The following TCF20 variants were observed in gnomAD, a reference collection of about 807,000 sequenced individuals.
TCF20 encodes transcription factor 20.
TCF20 carries 3 observed loss-of-function variants against 148.6 expected under a neutral mutation model. That is an observed-to-expected ratio of 0.02 (90% CI 0.01 to 0.05). The LOEUF is 0.05. Among genes scored for constraint, TCF20 ranks in the 10% least tolerant of loss-of-function variants. TCF20 has a pLI of 1.00. For synonymous variants in TCF20, 1,049 were observed against 909.5 expected (o/e 1.15, Z -2.76); for missense variants, 2,350 against 2,429.3 (o/e 0.97, Z 0.69).
At chr22:42,319,151 G>A (rs920263333) in intron 1 of TCF20, among the ~76,000 whole-genome samples, 2 of 152,286 alleles carry the variant, frequency 1.3e-5, no homozygotes, top group Middle Eastern at 3.4e-3. Flanking sequence ...ACCGTCACAC[G>A]TAAAGTCTAG....
intron 1 of TCF20, among the ~76,000 whole-genome samples, chr22:42,309,776 C>T (rs1161707360): frequency 6.6e-6 from 1 of 152,262 alleles, no homozygotes; most frequent in East Asian, 1.9e-4. Context: ...CCAGTCGTCA[C>T]CTCTCTGAGC....
At chr22:42,267,307 G>A (rs1170468848) in intron 1 of TCF20, among the ~76,000 whole-genome samples, 7 of 152,150 alleles carry the variant, frequency 4.6e-5, no homozygotes, top group South Asian at 2.1e-4. Context: ...TTGAGTAATC[G>A]GAGTTTTTTT....
chr22:42,300,157 C>G (rs531332806), intron 1 of TCF20, among the ~76,000 whole-genome samples: 1 of 152,046 alleles, frequency 6.6e-6, no homozygotes, highest in Non-Finnish European at 1.5e-5. Flanking sequence ...TAGGGGAATG[C>G]GGTTTTATCT....
chr22:42,277,220 A>G (rs1190203437), intron 1 of TCF20, among the ~76,000 whole-genome samples: 2 of 152,064 alleles, frequency 1.3e-5, no homozygotes, highest in Non-Finnish European at 2.9e-5. Context: ...CTCAAATGCC[A>G]CCTCCTCCAC....
chr22:42,166,714 CA>C (rs1935810355), intron 5 of TCF20, among the ~76,000 whole-genome samples: 1 of 152,110 alleles, frequency 6.6e-6, no homozygotes, highest in African/African-American at 2.4e-5. Flanking sequence ...ATTTGTCCAC[CA>C]GGCCCAGGGC....
At chr22:42,259,915 G>C (rs1184540159) in intron 1 of TCF20, among the ~76,000 whole-genome samples, 1 of 152,206 alleles carries the variant, frequency 6.6e-6, no homozygotes, top group Admixed American at 6.5e-5. Context: ...AGGAGTTCAA[G>C]ACCAGCCTGG....
chr22:42,329,113 G>A (rs917431965), intron 1 of TCF20, among the ~76,000 whole-genome samples: 5 of 152,344 alleles, frequency 3.3e-5, no homozygotes, highest in East Asian at 1.9e-4. Context: ...CCAAGAGCCC[G>A]GGAGAGGCGG....
intron 1 of TCF20, among the ~76,000 whole-genome samples, chr22:42,257,304 T>C (rs978547431): frequency 1.3e-5 from 2 of 152,242 alleles, no homozygotes; most frequent in African/African-American, 4.8e-5. Flanking sequence ...CTGGATTTTT[T>C]CCCCTATTCT....
At chr22:42,232,233 G>A (rs1325261122) in intron 1 of TCF20, among the ~76,000 whole-genome samples, 1 of 152,114 alleles carries the variant, frequency 6.6e-6, no homozygotes, top group Non-Finnish European at 1.5e-5. Context: ...GTACAGGTTT[G>A]TATCCTAGGA....
rs1476501987 is a variant in TCF20 at position 42,214,104 on chromosome 22, C to T, written c.1202G>A (p.Gly401Asp). 1.2e-6 allele frequency: 2 copies of T among 1,614,090 alleles called. No homozygotes were observed. Among genetic ancestry groups the T allele is most frequent in the East Asian group, 2.2e-5 (1 of 44,892 alleles). ...GTTTCTGGAACCCATAGGCACACTG[C>T]CTTGCCCACACTGGAGATTCTCCCC... Reference protein sequence around the residue: ...QTGENLQCGQGSVPMGSRNRI... With the variant: ...QTGENLQCGQDSVPMGSRNRI... Residue 401 changes from glycine (G) to aspartate (D), a missense_variant, in exon 2 of 6, where the codon GGC becomes GAC. Physicochemically the swap from Gly to Asp is moderately conservative, Grantham distance 94. Transcript: ENST00000677622.
At chr22:42,217,307 C>T (rs1181752433) in intron 1 of TCF20, among the ~76,000 whole-genome samples, 1 of 152,200 alleles carries the variant, frequency 6.6e-6, no homozygotes. Context: ...GTTCTTCTCC[C>T]AGAGCCAGAT....
chr22:42,166,803 G>A, intron 5 of TCF20, among the ~76,000 whole-genome samples: 1 of 152,088 alleles, frequency 6.6e-6, no homozygotes, highest in East Asian at 1.9e-4. Context: ...CCTTAACCAG[G>A]TCTTCTAGGA....
At chr22:42,277,755 G>A (rs904539362) in intron 1 of TCF20, among the ~76,000 whole-genome samples, 2 of 152,232 alleles carry the variant, frequency 1.3e-5, no homozygotes, top group East Asian at 1.9e-4. Flanking sequence ...ATTTAGACGC[G>A]ATCCTGCCCT....
chr22:42,278,955 G>C (rs1460355288), intron 1 of TCF20: 1 of 152,254 alleles, frequency 6.6e-6, no homozygotes, highest in Non-Finnish European at 1.5e-5. Context: ...AACCACGACT[G>C]TATCTTCCTC....
chr22:42,286,704 G>T (rs1431348096), upstream of TCF20, among the ~76,000 whole-genome samples: 1 of 152,136 alleles, frequency 6.6e-6, no homozygotes, highest in Non-Finnish European at 1.5e-5. Flanking sequence ...CAGAGACTAG[G>T]CTCCAAATAA....
chr22:42,225,537 C>A (rs1171168589), intron 1 of TCF20, among the ~76,000 whole-genome samples: 1 of 150,214 alleles, frequency 6.7e-6, no homozygotes. Flanking sequence ...TGGCGTGAAC[C>A]CGGGAGGCGG....
chr22:42,252,090 C>T (rs1346579246), intron 1 of TCF20, among the ~76,000 whole-genome samples: 7 of 150,118 alleles, frequency 4.7e-5, no homozygotes, highest in East Asian at 2.1e-4. Flanking sequence ...GGCAACATGG[C>T]GAAACTCTGT....
intron 1 of TCF20, among the ~76,000 whole-genome samples, chr22:42,324,973 T>C (rs931392747): frequency 7.9e-5 from 12 of 152,188 alleles, no homozygotes; most frequent in Admixed American, 7.9e-4. Context: ...CAAAACTGGG[T>C]TCTCCCCTTG....
intron 1 of TCF20, among the ~76,000 whole-genome samples, chr22:42,267,559 G>T (rs552919562): frequency 1.5e-4 from 23 of 151,946 alleles, no homozygotes; most frequent in Non-Finnish European, 2.9e-4. Context: ...AAATTAGCTG[G>T]GCGTGGTGGT....
Sources: allele counts gnomAD v4.1 joint callset (sites outside exome capture counted in the v4.1 genomes callset), GRCh38; gene constraint gnomAD v4.1.1; transcripts MANE v1.5; gene names NCBI Gene and HGNC (gene_info 2026-07-23, HGNC 2026-07-21).